Variants in MASP1 observed in about 807,000 individuals in gnomAD.
The protein encoded by MASP1 is mannan-binding lectin serine protease 1.
In MASP1, 59 loss-of-function variants were observed where a neutral mutation model predicts 77.1. The ratio of observed to expected loss-of-function variants is 0.77; its 90% confidence interval spans 0.62 to 0.95. The LOEUF is 0.95. Among genes scored for constraint, MASP1 ranks in the 40% least tolerant of loss-of-function variants. The probability of loss-of-function intolerance (pLI) is 0.00; values close to 1 mark genes in which losing one functional copy is unlikely to be tolerated. For missense variants in MASP1, 885 were observed against 912.9 expected (o/e 0.97, Z 0.39); for synonymous variants, 362 against 354.5 (o/e 1.02, Z -0.24).
chr3:187,291,335 G>T (rs993088100), intron 1 of MASP1: 4 of 513,882 alleles, frequency 7.8e-6, no homozygotes, highest in African/African-American at 5.8e-5. Flanking sequence ...AGTCACATTC[G>T]CCAGCAGGCA....
intron 9 of MASP1, chr3:187,243,033 C>T (rs1713786706): frequency 7.1e-6 from 2 of 283,546 alleles, no homozygotes; most frequent in Admixed American, 4.9e-5. Flanking sequence ...GAGATGTTGC[C>T]CTCACCCAGA....
At chr3:187,237,915 A>G (rs1713310563) in intron 10 of MASP1, among the ~76,000 whole-genome samples, 2 of 152,130 alleles carry the variant, frequency 1.3e-5, no homozygotes, top group East Asian at 1.9e-4. Context: ...TGCTTTTCAG[A>G]TGCTCTTCTT....
rs1296511554 is a variant in MASP1 at position 187,235,353 on chromosome 3, A to G, written c.*331T>C. On this transcript the variant is annotated 3_prime_UTR_variant, in exon 11 of 11. Coordinates refer to ENST00000296280, the MANE Select transcript of MASP1 (RefSeq NM_139125.4). ...TTGATAAGTGGTCAGGAGTGAATAA[A>G]GGCCACTGGGGTAAGAAGCATGGCC... 2 of 1,398,772 alleles carry G rather than the reference A, an allele frequency of 1.4e-6. No individual in the cohort carries two copies. The highest frequency in any genetic ancestry group is 1.9e-6 in the Non-Finnish European group (2 of 1,060,994). 86.6% of individuals were successfully genotyped at this position (1,398,772 alleles called of 1,614,324 possible).
intron 8 of MASP1, chr3:187,247,366 C>T: frequency 1.2e-6 from 2 of 1,613,942 alleles, no homozygotes; most frequent in Non-Finnish European, 1.7e-6. Context: ...TGAGTTCGCT[C>T]TCCAGATCGA....
intron 2 of MASP1, among the ~76,000 whole-genome samples, chr3:187,270,753 G>T (rs1716453927): frequency 6.6e-6 from 1 of 152,198 alleles, no homozygotes; most frequent in South Asian, 2.1e-4. Flanking sequence ...AGGCCATAGG[G>T]CTCAGCGGCC....
intron 5 of MASP1, among the ~76,000 whole-genome samples, chr3:187,254,344 A>G (rs1714888011): frequency 6.6e-6 from 1 of 152,132 alleles, no homozygotes; most frequent in Admixed American, 6.6e-5. Context: ...AGCATTGGGG[A>G]TCTGAGATAT....
intron 10 of MASP1, among the ~76,000 whole-genome samples, chr3:187,236,895 C>T (rs1014929880): frequency 1.3e-5 from 2 of 152,196 alleles, no homozygotes; most frequent in African/African-American, 4.8e-5. Context: ...CCATCTATTT[C>T]CAGTAGTGGT....
rs746844321 is a variant in MASP1, at chr3:187,235,688, C to G, written c.2183G>C (p.Arg728Pro). Residue 728 changes from arginine (R) to proline (P), a missense_variant, in exon 11 of 11, where the codon CGG (arginine) becomes CCG (proline). Physicochemically the swap from Arg to Pro is moderately radical, Grantham distance 103 (BLOSUM62 -2). Coordinates refer to ENST00000296280, the MANE Select transcript of MASP1 (RefSeq NM_139125.4). ...PQSVVEPQVE[R>P] ...GCCCCGAGGAAGTAAGTCAGCTCACCGTTCCACCTGGGGCTCCACAACACT... is the reference window on the plus strand; with the variant it reads ...GCCCCGAGGAAGTAAGTCAGCTCACGGTTCCACCTGGGGCTCCACAACACT... The G allele has an allele frequency of 1.9e-6, 3 of 1,614,014 alleles. No individual in the cohort carries two copies. The highest frequency in any genetic ancestry group is 1.7e-6 in the Non-Finnish European group (2 of 1,180,044).
At chr3:187,283,160 G>A (rs1359825353) in intron 2 of MASP1, among the ~76,000 whole-genome samples, 3 of 152,164 alleles carry the variant, frequency 2.0e-5, no homozygotes, top group Admixed American at 2.0e-4. Context: ...ATCTACTTGT[G>A]GTTTCAGGAA....
downstream of MASP1, among the ~76,000 whole-genome samples, chr3:187,230,532 A>G (rs1712706672): frequency 1.3e-5 from 2 of 152,214 alleles, no homozygotes; most frequent in African/African-American, 2.4e-5. Flanking sequence ...AAAGAGTCAC[A>G]GCTAATAAAG....
intron 2 of MASP1, chr3:187,263,192 T>C (rs1560022418): frequency 5.4e-6 from 1 of 184,278 alleles, no homozygotes. Flanking sequence ...GTGCACACAA[T>C]AGCAGTGTTG....
At chr3:187,262,491 A>G (rs1317810043) in intron 3 of MASP1, 52 bp downstream of exon 3, 38 of 1,587,396 alleles carry the variant, frequency 2.4e-5, no homozygotes, top group Non-Finnish European at 3.0e-5. Flanking sequence ...GGCAGTTTTC[A>G]TCTTCGGAGA....
chr3:187,256,862 T>A lies in MASP1; in HGVS notation c.548-2A>T, dbSNP rs1715134090. The A allele has an allele frequency of 6.2e-7, 1 of 1,613,360 alleles. No homozygotes were observed. The highest frequency in any genetic ancestry group is 1.3e-5 in the African/African-American group (1 of 74,842). Reference sequence around the variant, plus strand: ...TGAAGAGGTTGTCACTGCACTCCACTGTTGGAAACATAATAGAGAAAATGG... The same window carrying A: ...TGAAGAGGTTGTCACTGCACTCCACAGTTGGAAACATAATAGAGAAAATGG... On this transcript the variant is annotated splice_acceptor_variant, in intron 4 of 10. Coordinates refer to ENST00000296280, the MANE Select transcript of MASP1 (RefSeq NM_139125.4). LOFTEE classifies it high-confidence loss of function.
At chr3:187,278,630 G>A (rs1717157379) in intron 2 of MASP1, among the ~76,000 whole-genome samples, 1 of 152,100 alleles carries the variant, frequency 6.6e-6, no homozygotes, top group African/African-American at 2.4e-5. Context: ...ACATCTTCAC[G>A]TTCCTGATCT....
At chr3:187,219,975 G>T in exon 16 of MASP1, 1 of 1,293,288 alleles carries the variant, frequency 7.7e-7, no homozygotes, top group Non-Finnish European at 1.1e-6. Flanking sequence ...GAGGGGGGAT[G>T]GGAGGAAGGA....
chr3:187,228,882 C>G (rs1311203485), intron 11 of MASP1, among the ~76,000 whole-genome samples: 2 of 152,302 alleles, frequency 1.3e-5, no homozygotes, highest in Non-Finnish European at 2.9e-5. Context: ...GGCTGCAGCT[C>G]TAGCCCAGAC....
chr3:187,245,071 TGG>T (rs1468870600), intron 8 of MASP1: 2 of 152,354 alleles, frequency 1.3e-5, no homozygotes, highest in East Asian at 3.9e-4. Flanking sequence ...GGTTTTGTCC[TGG>T]CCTCTAGTCC....
intron 9 of MASP1, chr3:187,241,867 A>G: frequency 3.0e-6 from 1 of 333,410 alleles, no homozygotes; most frequent in Non-Finnish European, 5.8e-6. Context: ...TCTTTCTAAA[A>G]TGGGAATGTG....
intron 8 of MASP1, 122 bp from the exon 9 acceptor site, chr3:187,243,743 TATA>T: frequency 7.8e-7 from 1 of 1,277,570 alleles, no homozygotes; most frequent in Non-Finnish European, 1.1e-6. Flanking sequence ...AAAGCAATGT[TATA>T]ATGCCTCTGA....
Sources: gnomAD v4.1 joint callset for allele counts (sites outside exome capture counted in the v4.1 genomes callset) on GRCh38, gnomAD v4.1.1 for gene constraint, MANE v1.5 for transcripts, NCBI Gene and HGNC (gene_info 2026-07-23, HGNC 2026-07-21) for gene names.